The following SEMA3C variants were observed in gnomAD, a reference collection of about 807,000 sequenced individuals.
SEMA3C encodes semaphorin-3C.
Under a neutral mutation model 89.4 loss-of-function variants are expected in SEMA3C, and 47 were observed. The ratio of observed to expected loss-of-function variants is 0.53; its 90% CI spans 0.42 to 0.67. The LOEUF is 0.67. Among genes scored for constraint, SEMA3C ranks in the 30% least tolerant of loss-of-function variants. SEMA3C has a pLI of 0.00. For synonymous variants in SEMA3C, 310 were observed against 320.2 expected (o/e 0.97, Z 0.34); for missense variants, 839 against 929.1 (o/e 0.90, Z 1.26).
intron 2 of SEMA3C, among the ~76,000 whole-genome samples, chr7:80,884,975 C>T (rs1791438049): frequency 6.6e-6 from 1 of 152,076 alleles, no homozygotes; most frequent in Non-Finnish European, 1.5e-5. Flanking sequence ...TATTTGGTTC[C>T]CACAAAGTAC....
chr7:80,807,366 A>T (rs1480283456), intron 6 of SEMA3C, among the ~76,000 whole-genome samples: 2 of 152,206 alleles, frequency 1.3e-5, no homozygotes, highest in Admixed American at 6.5e-5. Flanking sequence ...CCACCTTATT[A>T]GTCATGTCTC....
At chr7:80,834,640 T>C (rs1790084600) in intron 2 of SEMA3C, among the ~76,000 whole-genome samples, 1 of 152,186 alleles carries the variant, frequency 6.6e-6, no homozygotes, top group South Asian at 2.1e-4. Flanking sequence ...ATCTCATTCA[T>C]GCACTCAAAA....
intron 2 of SEMA3C, among the ~76,000 whole-genome samples, chr7:80,848,083 GT>G (rs1263894432): frequency 6.6e-6 from 1 of 152,142 alleles, no homozygotes; most frequent in Non-Finnish European, 1.5e-5. Context: ...GTGTCTCAGA[GT>G]TAGTTACGCA....
intron 2 of SEMA3C, among the ~76,000 whole-genome samples, chr7:80,914,419 A>G (rs1792223111): frequency 6.6e-6 from 1 of 152,170 alleles, no homozygotes; most frequent in Admixed American, 6.6e-5. Context: ...GAAATCTCCT[A>G]AGAAAACTGT....
intron 14 of SEMA3C, 150 bp downstream of exon 14, chr7:80,761,466 C>T: frequency 2.2e-6 from 1 of 457,942 alleles, no homozygotes; most frequent in South Asian, 2.9e-5. Flanking sequence ...AGTTCTACAT[C>T]AAAATTAAAG....
chr7:80,763,471 A>C (rs1229908969), intron 13 of SEMA3C, among the ~76,000 whole-genome samples: 1 of 152,122 alleles, frequency 6.6e-6, no homozygotes, highest in Non-Finnish European at 1.5e-5. Flanking sequence ...TTGGTGTCTC[A>C]TGGGCTGATG....
intron 12 of SEMA3C, among the ~76,000 whole-genome samples, chr7:80,771,978 T>C (rs1788444561): frequency 6.6e-6 from 1 of 152,172 alleles, no homozygotes; most frequent in Non-Finnish European, 1.5e-5. Flanking sequence ...AAAGTACTAT[T>C]ATAAAAGATA....
At position 80,744,830 on chromosome 7, in the gene SEMA3C, C is replaced by T; in HGVS notation, c.*64G>A. On this transcript the variant is annotated 3_prime_UTR_variant, in exon 18 of 18. Transcript: ENST00000265361. ...TTGGTAAAGCACAAGTTTCTTTGCT[C>T]AAAATTTGATCATTGAAGACAGAGC... is the stretch of plus-strand genomic sequence containing the variant. 1.3e-5 allele frequency: 20 copies of T among 1,577,732 alleles called. No individual in the cohort carries two copies. The highest frequency in any genetic ancestry group is 1.6e-5 in the Non-Finnish European group (19 of 1,153,630).
At chr7:80,833,182 C>G (rs1790048149) in intron 2 of SEMA3C, among the ~76,000 whole-genome samples, 1 of 152,078 alleles carries the variant, frequency 6.6e-6, no homozygotes, top group Non-Finnish European at 1.5e-5. Flanking sequence ...TGCCTGTAAT[C>G]CCAGCACTTT....
chr7:80,857,707 T>C (rs1157738295), intron 2 of SEMA3C, among the ~76,000 whole-genome samples: 2 of 152,258 alleles, frequency 1.3e-5, no homozygotes, highest in South Asian at 4.1e-4. Flanking sequence ...AGACCCTTGA[T>C]AAAAGGAGAG....
At chr7:80,750,435 CATATAT>C (rs71520704) in intron 16 of SEMA3C, among the ~76,000 whole-genome samples, 2,452 of 70,854 alleles carry the variant, frequency 0.035, 76 homozygotes, top group Non-Finnish European at 0.05. Flanking sequence ...TACATACGTA[CATATAT>C]ATATATATAT....
At chr7:80,853,995 A>G (rs1028763478) in intron 2 of SEMA3C, among the ~76,000 whole-genome samples, 1 of 152,104 alleles carries the variant, frequency 6.6e-6, no homozygotes, top group Non-Finnish European at 1.5e-5. Flanking sequence ...ACATCATTTC[A>G]CAGAAAAAAA....
chr7:80,804,102 T>A lies in SEMA3C; in HGVS notation c.801+4A>T, dbSNP rs1257690696. ...CTTCAAATCGGAACAGCATTAATAC[T>A]TACAGGACATATTCGAGCAATCATG... On this transcript the variant is annotated splice_donor_region_variant and intron_variant, in intron 8 of 17. Transcript: ENST00000265361. 1 of 1,607,636 alleles carries A rather than the reference T, an allele frequency of 6.2e-7. No homozygotes were observed.
intron 2 of SEMA3C, among the ~76,000 whole-genome samples, chr7:80,898,215 A>T (rs1193057784): frequency 6.6e-6 from 1 of 152,052 alleles, no homozygotes; most frequent in Non-Finnish European, 1.5e-5. Flanking sequence ...AAAATACAAA[A>T]ATTAGCCAGG....
At chr7:80,800,287 A>C (rs1213635832) in intron 10 of SEMA3C, among the ~76,000 whole-genome samples, 1 of 152,176 alleles carries the variant, frequency 6.6e-6, no homozygotes, top group Admixed American at 6.5e-5. Context: ...TTCCTAAGGT[A>C]TAATTGGTAT....
intron 2 of SEMA3C, among the ~76,000 whole-genome samples, chr7:80,893,958 T>C (rs1421436808): frequency 2.0e-5 from 3 of 152,198 alleles, no homozygotes. Flanking sequence ...ACTGAAGACA[T>C]TCCTCTACTT....
upstream of SEMA3C, chr7:80,919,336 G>A: frequency 1.0e-6 from 1 of 985,324 alleles, no homozygotes; most frequent in Non-Finnish European, 1.2e-6. Context: ...CCGCAACCCT[G>A]CTCCTTTCGC....
At chr7:80,891,082 C>T (rs1214272612) in intron 2 of SEMA3C, among the ~76,000 whole-genome samples, 1 of 152,164 alleles carries the variant, frequency 6.6e-6, no homozygotes, top group African/African-American at 2.4e-5. Flanking sequence ...AGTCTGCTCG[C>T]TTCTGCCCTT....
chr7:80,834,048 T>C (rs954140147), intron 2 of SEMA3C, among the ~76,000 whole-genome samples: 1 of 152,140 alleles, frequency 6.6e-6, no homozygotes, highest in Non-Finnish European at 1.5e-5. Flanking sequence ...TTGAAGCATA[T>C]GAGGTACAGC....
Sources: gnomAD v4.1 joint callset for allele counts (sites outside exome capture counted in the v4.1 genomes callset) on GRCh38, gnomAD v4.1.1 for gene constraint, MANE v1.5 for transcripts, NCBI Gene and HGNC (gene_info 2026-07-23, HGNC 2026-07-21) for gene names.